Variants in MRC1 observed in about 807,000 individuals in gnomAD.
MRC1 encodes macrophage mannose receptor 1.
MRC1 carries 62 observed loss-of-function variants against 102.9 expected under a neutral mutation model. The observed-to-expected ratio is 0.60, with a 90% confidence interval of 0.49 to 0.74. The LOEUF is 0.74. Among genes scored for constraint, MRC1 ranks in the 30% least tolerant of loss-of-function variants. The pLI is 0.00. For missense variants in MRC1, 1,237 were observed against 862.8 expected (o/e 1.43, Z -5.43); for synonymous variants, 457 against 298.4 (o/e 1.53, Z -5.48).
In MRC1 at chr10:17,828,914, G is replaced by A. The variant is rs991443457; in HGVS notation, c.637+1199G>A. 3.3e-5 allele frequency among the ~76,000 whole-genome samples: 5 copies of A among 151,268 alleles called. No homozygotes were observed. In the East Asian group the frequency reaches 7.7e-4, roughly 23 times the overall value. On this transcript the variant is annotated intron_variant, in intron 3 of 29. Transcript: ENST00000569591. The stretch of plus-strand genomic sequence containing the variant: ...GGCGTCATGTTGAAGGCAGAGCTGG[G>A]GCTGAGGAAAAAGGAAAAGGAAGTA...
chr10:17,873,757 T>A, intron 15 of MRC1, 27 bp from the exon 16 acceptor site: 1 of 871,744 alleles, frequency 1.1e-6, no homozygotes, highest in Admixed American at 1.7e-5. Flanking sequence ...AAGTACACTT[T>A]ATTTCTATTT....
At chr10:17,888,264 G>C (rs1249358509) in intron 22 of MRC1, among the ~76,000 whole-genome samples, 2 of 152,154 alleles carry the variant, frequency 1.3e-5, no homozygotes, top group African/African-American at 4.8e-5. Flanking sequence ...GGATAATGGG[G>C]GGTAAAAATA....
rs1833958750 is a variant in MRC1 at position 17,910,799 on chromosome 10, A to G, written c.*334A>G. On this transcript the variant is annotated 3_prime_UTR_variant, in exon 30 of 30. Coordinates refer to ENST00000569591, the MANE Select transcript of MRC1 (RefSeq NM_002438.4). ...TAGAAACAATGAAGCTTCTTGGCATATTTTAAGGAGCTCCCAAAATGTGTT... is the reference window on the plus strand; with the variant it reads ...TAGAAACAATGAAGCTTCTTGGCATGTTTTAAGGAGCTCCCAAAATGTGTT... The G allele has an allele frequency of 3.5e-6, 1 of 282,752 alleles. No individual in the cohort carries two copies. The highest frequency in any genetic ancestry group is 2.2e-5 in the African/African-American group (1 of 44,942). 17.5% of individuals were successfully genotyped at this position (282,752 alleles called of 1,614,324 possible). A position where few individuals can be genotyped will look rare whatever the true frequency, so the allele number is the denominator to read the frequency against.
chr10:17,865,402 A>G (rs1274978650), intron 11 of MRC1: 1 of 152,260 alleles, frequency 6.6e-6, no homozygotes, highest in Non-Finnish European at 1.5e-5. Flanking sequence ...GGCAGTAGTG[A>G]TAAGTCTTAC....
intron 28 of MRC1, among the ~76,000 whole-genome samples, chr10:17,908,113 C>T (rs1042178055): frequency 3.7e-4 from 57 of 152,282 alleles, no homozygotes; most frequent in Middle Eastern, 3.4e-3. Context: ...ATTCAGTCTC[C>T]TTTTAAGATG....
At chr10:17,881,890 C>T (rs1181490718) in intron 21 of MRC1, among the ~76,000 whole-genome samples, 2 of 126,410 alleles carry the variant, frequency 1.6e-5, no homozygotes, top group African/African-American at 6.0e-5. Flanking sequence ...CACTATGTTG[C>T]CCAGGCTGGT....
intron 10 of MRC1, among the ~76,000 whole-genome samples, chr10:17,862,473 C>T (rs1180012233): frequency 2.6e-5 from 4 of 152,124 alleles, no homozygotes; most frequent in African/African-American, 9.7e-5. Flanking sequence ...ATCTTTTGGT[C>T]TATTGGACAT....
At chr10:17,905,597 A>G (rs1833884554) in intron 26 of MRC1, among the ~76,000 whole-genome samples, 1 of 151,418 alleles carries the variant, frequency 6.6e-6, no homozygotes, top group Non-Finnish European at 1.5e-5. Context: ...AATAAAATGA[A>G]TGCTTCTCAT....
At position 17,880,589 on chromosome 10, in the gene MRC1, T is replaced by C; in HGVS notation, c.2784T>C (p.Ser928=). ...NAFICQRHNS[S]INATTVMPTM... ...TCATTTGCCAGCGACATAACAGTAG[T>C]ATCAATGCTACCACAGTTATGCCTA... The change falls in exon 20 of 30, where the codon AGT becomes AGC. Residue 928 remains serine (S), a synonymous_variant. Transcript: ENST00000569591. 1 of 780,840 alleles carries C rather than the reference T, an allele frequency of 1.3e-6. No homozygotes were observed. Among genetic ancestry groups the C allele is most frequent in the South Asian group, 1.3e-5 (1 of 74,612 alleles). The allele number at this position is 780,840 out of a possible 1,614,324, so 48.4% of individuals were successfully genotyped here. A position where few individuals can be genotyped will look rare whatever the true frequency, so the allele number is the denominator to read the frequency against.
chr10:17,846,712 C>T (rs1214727447), intron 6 of MRC1, among the ~76,000 whole-genome samples: 44,009 of 151,792 alleles, frequency 0.29, 7,734 homozygotes, highest in Admixed American at 0.41. Context: ...AAGTTTTCCA[C>T]TTAACAACAA....
At chr10:17,819,219 G>C (rs1349525579) in intron 1 of MRC1, among the ~76,000 whole-genome samples, 3 of 152,152 alleles carry the variant, frequency 2.0e-5, no homozygotes, top group African/African-American at 7.2e-5. Context: ...ACTCTTGTAG[G>C]TGGCTCAGTG....
chr10:17,866,818 A>C (rs1037785744), intron 12 of MRC1, 57 bp downstream of exon 12: 2 of 780,464 alleles, frequency 2.6e-6, no homozygotes, highest in Admixed American at 1.7e-5. Context: ...AGCCTAAAGA[A>C]TCATCTAAGG....
At position 17,897,887 on chromosome 10, in the gene MRC1, A is replaced by AACAC. The variant is rs1833777354; in HGVS notation, c.3251-147_3251-146insACAC. ...AAAAATGTTTGTTTTCTAGTGTGAA[A>AACAC]TGGCTTATAAAATATTTCTAACAGC... On this transcript the variant is annotated intron_variant, in intron 23 of 29. Coordinates refer to ENST00000569591, the MANE Select transcript of MRC1 (RefSeq NM_002438.4). 8.3e-6 allele frequency: 6 copies of AACAC among 720,838 alleles called. No individual in the cohort carries two copies. The East Asian group carries it at 1.5e-4, about 18-fold the overall frequency. The allele number at this position is 720,838 out of a possible 1,614,324, so 44.7% of individuals were successfully genotyped here.
chr10:17,830,380 C>T (rs1411359828), intron 3 of MRC1, among the ~76,000 whole-genome samples: 3 of 151,370 alleles, frequency 2.0e-5, no homozygotes, highest in Non-Finnish European at 2.9e-5. Context: ...GATCCACCCA[C>T]CTCGGCCTCC....
In MRC1 at chr10:17,829,521, A is replaced by G. The variant is rs1181001346; in HGVS notation, c.637+1806A>G. 4.0e-5 allele frequency among the ~76,000 whole-genome samples: 6 copies of G among 151,490 alleles called. No homozygotes were observed. The East Asian group carries it at 1.2e-3, about 29-fold the overall frequency. ...AGTTCTATTTGTCTCTCTTATGTCA[A>G]TCTTTAGAAAGACATTTGATTTCCA... On this transcript the variant is annotated intron_variant, in intron 3 of 29. Transcript: ENST00000569591.
At chr10:17,841,078 C>T (rs972241950) in intron 5 of MRC1, among the ~76,000 whole-genome samples, 1 of 152,100 alleles carries the variant, frequency 6.6e-6, no homozygotes, top group South Asian at 2.1e-4. Flanking sequence ...TCAGAGTATC[C>T]CTGATGTGTT....
chr10:17,900,802 C>T lies in MRC1; in HGVS notation c.3498C>T (p.Tyr1166=). 1 of 780,784 alleles carries T rather than the reference C, an allele frequency of 1.3e-6. No homozygotes were observed. The highest frequency in any genetic ancestry group is 1.3e-5 in the South Asian group (1 of 74,618). 48.4% of individuals were successfully genotyped at this position (780,784 alleles called of 1,614,324 possible). A position where few individuals can be genotyped will look rare whatever the true frequency, so the allele number is the denominator to read the frequency against. The part of the protein sequence containing the change: ...ALNSNLTDNQ[Y]TWTDKWRVRY... ...TGTCGTTGCAGACTGATAATCAATA[C>T]ACTTGGACTGATAAGTGGAGGGTGA... Residue 1166 remains tyrosine (Y), a synonymous_variant, in exon 25 of 30, where the codon TAC becomes TAT. Coordinates refer to ENST00000569591, the MANE Select transcript of MRC1 (RefSeq NM_002438.4).
intron 1 of MRC1, among the ~76,000 whole-genome samples, chr10:17,819,450 TG>T (rs1228058081): frequency 4.6e-5 from 4 of 87,766 alleles, no homozygotes; most frequent in Non-Finnish European, 6.9e-5. Flanking sequence ...AATTCAGAGT[TG>T]TATGTGTGTG....
At chr10:17,840,353 A>G (rs1015270429) in intron 4 of MRC1, among the ~76,000 whole-genome samples, 5 of 152,202 alleles carry the variant, frequency 3.3e-5, no homozygotes, top group Non-Finnish European at 7.3e-5. Context: ...TGGAGGTAAC[A>G]CCTATTCATA....
Sources: gnomAD v4.1 joint callset for allele counts (sites outside exome capture counted in the v4.1 genomes callset) on GRCh38, gnomAD v4.1.1 for gene constraint, MANE v1.5 for transcripts, NCBI Gene and HGNC (gene_info 2026-07-23, HGNC 2026-07-21) for gene names.